TBC1D5: variants seen among roughly 807,000 people sequenced by gnomAD.
TBC1D5 encodes the protein TBC1 domain family, member 5.
TBC1D5 carries 75 observed loss-of-function variants against 100.3 expected under a neutral mutation model. The observed-to-expected ratio is 0.75, with a 90% CI of 0.62 to 0.91. TBC1D5 has a LOEUF of 0.91. TBC1D5 is among the 40% of genes least tolerant of loss of function. The pLI is 0.00. For synonymous variants in TBC1D5, 323 were observed against 325.6 expected (o/e 0.99, Z 0.09); for missense variants, 910 against 942.4 (o/e 0.97, Z 0.45).
chr3:17,596,952 AG>A (rs1007362928), intron 2 of TBC1D5, among the ~76,000 whole-genome samples: 10 of 152,178 alleles, frequency 6.6e-5, no homozygotes, highest in Non-Finnish European at 1.3e-4. Flanking sequence ...ACACTAAGTC[AG>A]GTCTGGCAAT....
At chr3:17,279,437 T>A (rs1459957925) in intron 15 of TBC1D5, among the ~76,000 whole-genome samples, 1 of 152,204 alleles carries the variant, frequency 6.6e-6, no homozygotes, top group Non-Finnish European at 1.5e-5. Context: ...TCAGAGGTGA[T>A]CGCTCATGAC....
At chr3:17,381,273 A>G (rs1026332701) in intron 9 of TBC1D5, among the ~76,000 whole-genome samples, 4 of 152,046 alleles carry the variant, frequency 2.6e-5, no homozygotes, top group Non-Finnish European at 4.4e-5. Context: ...TTCCTTGTCC[A>G]TAGAACTTGT....
chr3:17,549,950 ATAG>A (rs1338113790), intron 2 of TBC1D5, among the ~76,000 whole-genome samples: 1 of 150,116 alleles, frequency 6.7e-6, no homozygotes, highest in Non-Finnish European at 1.5e-5. Flanking sequence ...AATAATAATA[ATAG>A]TAATAATAAG....
At chr3:17,482,251 A>G (rs1225776535) in intron 3 of TBC1D5, among the ~76,000 whole-genome samples, 2 of 152,238 alleles carry the variant, frequency 1.3e-5, no homozygotes, top group African/African-American at 4.8e-5. Context: ...GCATAGTTTA[A>G]AAGACAAAAA....
chr3:17,602,074 G>A (rs1383369686), intron 2 of TBC1D5, among the ~76,000 whole-genome samples: 1 of 152,026 alleles, frequency 6.6e-6, no homozygotes, highest in African/African-American at 2.4e-5. Flanking sequence ...CTCGTGATCC[G>A]CCCACCTCGG....
intron 16 of TBC1D5, among the ~76,000 whole-genome samples, chr3:17,249,148 C>T (rs2076981186): frequency 6.6e-6 from 1 of 152,190 alleles, no homozygotes; most frequent in African/African-American, 2.4e-5. Flanking sequence ...AAACTTTCTC[C>T]ATATCAGCAA....
At chr3:17,377,778 A>G (rs917581553) in intron 9 of TBC1D5, among the ~76,000 whole-genome samples, 2 of 152,064 alleles carry the variant, frequency 1.3e-5, no homozygotes, top group African/African-American at 2.4e-5. Context: ...TGTATAAGTT[A>G]TCACTAGCTT....
intron 18 of TBC1D5, among the ~76,000 whole-genome samples, chr3:17,205,644 G>A (rs547939136): frequency 4.5e-4 from 68 of 152,160 alleles, no homozygotes; most frequent in Admixed American, 3.9e-4. Flanking sequence ...TCTGTCATGA[G>A]CCTCTCGTGA....
intron 8 of TBC1D5, among the ~76,000 whole-genome samples, chr3:17,398,681 G>A (rs903202790): frequency 6.6e-6 from 1 of 152,006 alleles, no homozygotes; most frequent in African/African-American, 2.4e-5. Context: ...GTAAGATCTG[G>A]GCTAACACAA....
chr3:17,665,974 C>T (rs1253112928), intron 1 of TBC1D5, among the ~76,000 whole-genome samples: 1 of 152,126 alleles, frequency 6.6e-6, no homozygotes, highest in Non-Finnish European at 1.5e-5. Context: ...AAAAGCTTAT[C>T]CAAAGGTACC....
At chr3:17,669,460 AGTT>A (rs2067676047) in intron 1 of TBC1D5, among the ~76,000 whole-genome samples, 1 of 152,214 alleles carries the variant, frequency 6.6e-6, no homozygotes, top group Non-Finnish European at 1.5e-5. Context: ...AATAAATGAT[AGTT>A]ATTATTATAC....
intron 19 of TBC1D5, among the ~76,000 whole-genome samples, chr3:17,168,043 T>C (rs567080775): frequency 1.3e-5 from 2 of 152,252 alleles, no homozygotes; most frequent in African/African-American, 4.8e-5. Context: ...CCTCCAACAT[T>C]CCATGAATGT....
chr3:17,215,214 G>T (rs573382563), intron 17 of TBC1D5, among the ~76,000 whole-genome samples: 1 of 152,104 alleles, frequency 6.6e-6, no homozygotes, highest in South Asian at 2.1e-4. Flanking sequence ...ATGGTCAAGT[G>T]GGGGTGAGTC....
In TBC1D5 at chr3:17,418,102, G is replaced by A. The variant is rs145292525; in HGVS notation, c.167+10348C>T. ...TAATCATGGAATGAAAATTGTATCC[G>A]TATGTTCAGATACAAGGACATCTTT... On this transcript the variant is annotated intron_variant, in intron 4 of 21. Transcript: ENST00000253692. Among the ~76,000 whole-genome samples, 298 of 152,148 alleles carry A rather than the reference G, an allele frequency of 2.0e-3. 3 individuals are homozygous for A. Among genetic ancestry groups the A allele is most frequent in the Middle Eastern group, 0.01 (3 of 294 alleles).
intron 13 of TBC1D5, among the ~76,000 whole-genome samples, chr3:17,326,391 C>T (rs1293051580): frequency 6.6e-6 from 1 of 152,166 alleles, no homozygotes; most frequent in Non-Finnish European, 1.5e-5. Context: ...TTTTTAGTTG[C>T]ATTTAGTCAG....
chr3:17,313,915 T>C (rs1314369672), intron 13 of TBC1D5, among the ~76,000 whole-genome samples: 1 of 152,186 alleles, frequency 6.6e-6, no homozygotes, highest in Non-Finnish European at 1.5e-5. Context: ...GGGTATCTTA[T>C]TGCCTTTGAC....
chr3:17,489,928 T>A (rs187415106), intron 3 of TBC1D5, among the ~76,000 whole-genome samples: 1 of 152,228 alleles, frequency 6.6e-6, no homozygotes, highest in Non-Finnish European at 1.5e-5. Flanking sequence ...TTGAGGACAC[T>A]GTCTTCCACA....
intron 3 of TBC1D5, among the ~76,000 whole-genome samples, chr3:17,500,372 A>G (rs1195813447): frequency 6.7e-6 from 1 of 149,656 alleles, no homozygotes; most frequent in Admixed American, 6.6e-5. Flanking sequence ...CATAAATACA[A>G]AAAACAATCA....
At chr3:17,584,530 C>A (rs550589814) in intron 2 of TBC1D5, among the ~76,000 whole-genome samples, 39 of 152,062 alleles carry the variant, frequency 2.6e-4, no homozygotes, top group Non-Finnish European at 4.0e-4. Context: ...TTCAATAATT[C>A]TTTAAGCTTC....
Sources: allele counts gnomAD v4.1 joint callset (sites outside exome capture counted in the v4.1 genomes callset), GRCh38; gene constraint gnomAD v4.1.1; transcripts MANE v1.5; gene names NCBI Gene and HGNC (gene_info 2026-07-23, HGNC 2026-07-21).